ELF1: variants seen among roughly 807,000 people sequenced by gnomAD.
ELF1 encodes the protein ETS-related transcription factor Elf-1.
In ELF1, 24 loss-of-function variants were observed where a neutral mutation model predicts 59.9. That is an observed-to-expected ratio of 0.40 (90% CI 0.29 to 0.56). ELF1 has a LOEUF of 0.56. ELF1 is among the 20% of genes least tolerant of loss of function. The pLI, the probability that ELF1 is intolerant of heterozygous loss-of-function variation, is 0.44. For synonymous variants in ELF1, 248 were observed against 266.2 expected (o/e 0.93, Z 0.67); for missense variants, 627 against 742.2 (o/e 0.84, Z 1.80).
chr13:40,975,056 T>C (rs1309666230), intron 2 of ELF1, among the ~76,000 whole-genome samples: 1 of 152,192 alleles, frequency 6.6e-6, no homozygotes, highest in Non-Finnish European at 1.5e-5. Context: ...AAGTTTGATA[T>C]GACAAGATTT....
chr13:40,943,530 T>C (rs1161498477), intron 6 of ELF1, among the ~76,000 whole-genome samples: 1 of 152,192 alleles, frequency 6.6e-6, no homozygotes, highest in African/African-American at 2.4e-5. Flanking sequence ...GTTATACAAA[T>C]GCTTGAATTT....
At chr13:41,038,457 C>CA (rs1876475371) in intron 1 of ELF1, among the ~76,000 whole-genome samples, 2 of 152,054 alleles carry the variant, frequency 1.3e-5, no homozygotes, top group African/African-American at 4.8e-5. Flanking sequence ...ATCGAGGTTG[C>CA]AATGAGCTGA....
At chr13:40,993,294 A>C in intron 1 of ELF1, 2 of 1,559,432 alleles carry the variant, frequency 1.3e-6, no homozygotes, top group South Asian at 2.2e-5. Flanking sequence ...GAGACACAGC[A>C]GGTGTTCCTT....
At chr13:40,994,183 C>T (rs910894701) in intron 1 of ELF1, among the ~76,000 whole-genome samples, 1 of 152,144 alleles carries the variant, frequency 6.6e-6, no homozygotes, top group African/African-American at 2.4e-5. Flanking sequence ...CCATCATTGG[C>T]CACTTGGACT....
Position 40,933,452 on chromosome 13 carries a change from G to A in ELF1, c.1833C>T (p.Asn611=), listed in dbSNP as rs547665997. The change falls in exon 9 of 9, where the codon AAC becomes AAT. Residue 611 remains asparagine, a synonymous_variant. Transcript: ENST00000239882. ...GFTSQVAMKQ[N]ELLEPNSF ...AAAAAGAGTTGGGTTCCAGCAGTTC[G>A]TTTTGTTTCATAGCTACCTGAGAAG... 14 of 1,613,654 alleles carry A rather than the reference G, an allele frequency of 8.7e-6. No individual in the cohort carries two copies. The highest frequency in any genetic ancestry group is 4.0e-5 in the African/African-American group (3 of 74,988).
intron 7 of ELF1, 85 bp downstream of exon 7, chr13:40,942,867 C>T (rs1870266755): frequency 7.5e-7 from 1 of 1,337,908 alleles, no homozygotes; most frequent in East Asian, 2.5e-5. Context: ...ACTATTGGTG[C>T]TTTGCTGAAC....
chr13:41,035,703 C>CAGAACAAAA (rs1876346214), intron 1 of ELF1, among the ~76,000 whole-genome samples: 1 of 127,698 alleles, frequency 7.8e-6, no homozygotes, highest in Admixed American at 8.3e-5. Context: ...GAAAGAGATA[C>CAGAACAAAA]AGAGATGAGG....
intron 1 of ELF1, among the ~76,000 whole-genome samples, chr13:41,053,483 T>G (rs1297371296): frequency 6.6e-6 from 1 of 152,324 alleles, no homozygotes; most frequent in Non-Finnish European, 1.5e-5. Context: ...CAATCAATGA[T>G]TCATCCATTC....
chr13:40,983,604 T>C (rs771993400), intron 1 of ELF1, among the ~76,000 whole-genome samples: 5 of 152,154 alleles, frequency 3.3e-5, no homozygotes, highest in Non-Finnish European at 7.3e-5. Context: ...CACTCCCTTT[T>C]AACAGGAAGT....
chr13:40,950,455 A>G (rs961682275), intron 4 of ELF1, among the ~76,000 whole-genome samples: 1 of 152,132 alleles, frequency 6.6e-6, no homozygotes, highest in Admixed American at 6.5e-5. Flanking sequence ...TTACACTTCA[A>G]CCACACCAAA....
At position 41,033,569 on chromosome 13, in the gene ELF1, G is replaced by A. The variant is rs540894143; in HGVS notation, c.-229+27269C>T. ...AGGGGTCCTCAACCCCAAGGCAGGC[G>A]AGCATCACCACCTGAGTTCTGCCTC... On this transcript the variant is annotated intron_variant, in intron 1 of 1. Transcript: ENST00000405737. 6.6e-5 allele frequency among the ~76,000 whole-genome samples: 10 copies of A among 152,286 alleles called. No individual in the cohort carries two copies. In the South Asian group the frequency reaches 1.2e-3, roughly 19 times the overall value.
At chr13:41,025,746 G>A (rs1226788212) in intron 1 of ELF1, among the ~76,000 whole-genome samples, 1 of 152,120 alleles carries the variant, frequency 6.6e-6, no homozygotes, top group African/African-American at 2.4e-5. Context: ...ACCCTATTCG[G>A]CCTGTGCAGA....
At chr13:41,058,672 T>C (rs1314771480) in intron 1 of ELF1, among the ~76,000 whole-genome samples, 2 of 152,232 alleles carry the variant, frequency 1.3e-5, no homozygotes, top group Non-Finnish European at 2.9e-5. Flanking sequence ...TGTAAACTCA[T>C]TACAAAATAC....
chr13:41,012,370 C>A (rs923581550), intron 1 of ELF1, among the ~76,000 whole-genome samples: 2 of 147,686 alleles, frequency 1.4e-5, no homozygotes, highest in Non-Finnish European at 3.0e-5. Context: ...AAAGAGGATT[C>A]ATCTATCTAC....
chr13:40,940,334 A>G (rs1341979696), intron 8 of ELF1, among the ~76,000 whole-genome samples: 1 of 142,500 alleles, frequency 7.0e-6, no homozygotes, highest in East Asian at 2.4e-4. Context: ...CTCTCAGTCA[A>G]TTTGTTGTTT....
At chr13:40,957,862 C>T (rs1871552267) in intron 3 of ELF1, among the ~76,000 whole-genome samples, 2 of 152,232 alleles carry the variant, frequency 1.3e-5, no homozygotes, top group Non-Finnish European at 2.9e-5. Context: ...CGATTTAAAA[C>T]ATTACTGTAT....
At chr13:41,049,479 G>A (rs1682263692) in intron 1 of ELF1, among the ~76,000 whole-genome samples, 1 of 152,132 alleles carries the variant, frequency 6.6e-6, no homozygotes, top group African/African-American at 2.4e-5. Context: ...CCACTCTGCT[G>A]AAGATAAAAT....
chr13:41,028,433 C>T (rs954519295), intron 1 of ELF1, among the ~76,000 whole-genome samples: 2 of 152,220 alleles, frequency 1.3e-5, no homozygotes, highest in African/African-American at 4.8e-5. Context: ...AAGAATGAAG[C>T]TTTGGGTCAC....
intron 8 of ELF1, among the ~76,000 whole-genome samples, chr13:40,935,283 G>A (rs1869690130): frequency 6.6e-6 from 1 of 152,134 alleles, no homozygotes; most frequent in South Asian, 2.1e-4. Flanking sequence ...TTTGAATTCT[G>A]TAAAGTTATT....
Sources: gnomAD v4.1 joint callset for allele counts (sites outside exome capture counted in the v4.1 genomes callset) on GRCh38, gnomAD v4.1.1 for gene constraint, MANE v1.5 for transcripts, NCBI Gene and HGNC (gene_info 2026-07-23, HGNC 2026-07-21) for gene names.